The following SMYD3 variants were observed in gnomAD, a reference collection of about 807,000 sequenced individuals.
The protein encoded by SMYD3 is histone-lysine N-methyltransferase SMYD3.
In SMYD3, 36 loss-of-function variants were observed where a neutral mutation model predicts 57.7. The observed-to-expected ratio is 0.62, with a 90% confidence interval of 0.48 to 0.82. SMYD3 has a LOEUF of 0.82. SMYD3 is among the 40% of genes least tolerant of loss of function. The probability of loss-of-function intolerance (pLI) is 0.00; values close to 1 mark genes in which losing one functional copy is unlikely to be tolerated. For missense variants in SMYD3, 515 were observed against 538.8 expected, an observed-to-expected ratio of 0.96 and a Z score of 0.44; for synonymous variants, 211 against 195.0, an observed-to-expected ratio of 1.08 and a Z score of -0.68.
intron 1 of SMYD3, among the ~76,000 whole-genome samples, chr1:246,472,380 A>G (rs901763177): frequency 3.3e-5 from 5 of 152,214 alleles, no homozygotes; most frequent in African/African-American, 9.6e-5. Flanking sequence ...GTTTTTCGCT[A>G]TACCTGCTAG....
At chr1:246,082,004 G>A (rs894137537) in intron 5 of SMYD3, among the ~76,000 whole-genome samples, 25 of 152,326 alleles carry the variant, frequency 1.6e-4, no homozygotes, top group South Asian at 4.1e-4. Context: ...AGATCATGAC[G>A]GTGAGAGGAA....
intron 5 of SMYD3, among the ~76,000 whole-genome samples, chr1:245,967,871 G>A (rs1004219617): frequency 6.6e-6 from 1 of 152,154 alleles, no homozygotes. Flanking sequence ...CAGGAGAGTG[G>A]CGTGAACTAT....
At chr1:246,462,735 G>C (rs182838494) in intron 1 of SMYD3, among the ~76,000 whole-genome samples, 11 of 152,306 alleles carry the variant, frequency 7.2e-5, no homozygotes, top group Non-Finnish European at 1.5e-4. Flanking sequence ...AGAAATCTTA[G>C]ATAGCTCACT....
intron 8 of SMYD3, among the ~76,000 whole-genome samples, chr1:245,897,149 C>T (rs1279925835): frequency 2.6e-5 from 4 of 152,268 alleles, no homozygotes; most frequent in Non-Finnish European, 5.9e-5. Flanking sequence ...AAATAAAACA[C>T]AGAGACGTGA....
chr1:246,443,888 C>A (rs1319238522), intron 1 of SMYD3, among the ~76,000 whole-genome samples: 6 of 152,098 alleles, frequency 3.9e-5, no homozygotes, highest in African/African-American at 1.4e-4. Flanking sequence ...TCAAATAAAA[C>A]TTACTTTCTG....
At chr1:246,177,726 G>C (rs1202509416) in intron 5 of SMYD3, among the ~76,000 whole-genome samples, 1 of 152,144 alleles carries the variant, frequency 6.6e-6, no homozygotes, top group African/African-American at 2.4e-5. Context: ...TCGAAAGATG[G>C]AAGACATAAG....
chr1:246,444,933 A>C (rs1425982541), intron 1 of SMYD3, among the ~76,000 whole-genome samples: 2 of 152,190 alleles, frequency 1.3e-5, no homozygotes, highest in African/African-American at 4.8e-5. Context: ...GGAATCAGAA[A>C]GTCTGGGGTT....
At chr1:246,408,764 G>C (rs1446691809) in intron 1 of SMYD3, among the ~76,000 whole-genome samples, 1 of 148,776 alleles carries the variant, frequency 6.7e-6, no homozygotes, top group Non-Finnish European at 1.5e-5. Context: ...CTGCCTCCCA[G>C]GTTCATGCAA....
chr1:246,128,234 C>G (rs904933756), intron 5 of SMYD3, among the ~76,000 whole-genome samples: 4 of 152,182 alleles, frequency 2.6e-5, no homozygotes, highest in African/African-American at 9.7e-5. Flanking sequence ...CTCCTCCTCC[C>G]CATCTCTATT....
chr1:246,360,576 C>T (rs1416196837), intron 1 of SMYD3, among the ~76,000 whole-genome samples: 1 of 152,142 alleles, frequency 6.6e-6, no homozygotes, highest in Non-Finnish European at 1.5e-5. Context: ...CCACAGTCAC[C>T]AAAACAGCAT....
At chr1:246,269,543 C>CTTTTTTTTTTTTTTTTTTTTTT (rs570972296) in intron 5 of SMYD3, among the ~76,000 whole-genome samples, 3 of 135,214 alleles carry the variant, frequency 2.2e-5, no homozygotes, top group East Asian at 2.2e-4. Context: ...CTTTTTTTTT[C>CTTTTTTTTTTTTTTTTTTTTTT]TTTTTTTTTT....
chr1:245,828,737 T>A (rs1022912490), intron 10 of SMYD3, among the ~76,000 whole-genome samples: 2 of 150,936 alleles, frequency 1.3e-5, no homozygotes, highest in African/African-American at 4.9e-5. Context: ...CAGGGTCTCA[T>A]GTCGCCCAGG....
intron 5 of SMYD3, among the ~76,000 whole-genome samples, chr1:246,068,106 CTTGG>C (rs2060376913): frequency 6.6e-6 from 1 of 152,076 alleles, no homozygotes; most frequent in African/African-American, 2.4e-5. Context: ...TTGAGTCTTT[CTTGG>C]TTAATTAAGT....
intron 5 of SMYD3, among the ~76,000 whole-genome samples, chr1:246,279,366 C>A (rs575113739): frequency 6.6e-6 from 1 of 152,144 alleles, no homozygotes; most frequent in Non-Finnish European, 1.5e-5. Context: ...ACTAAAAACA[C>A]AAAAATTAGC....
chr1:246,194,538 A>G (rs551316531), intron 5 of SMYD3, among the ~76,000 whole-genome samples: 1 of 152,302 alleles, frequency 6.6e-6, no homozygotes, highest in East Asian at 1.9e-4. Context: ...AAGTGCTGGG[A>G]TTACAGGCGT....
chr1:245,781,513 T>C (rs529792608), intron 10 of SMYD3, among the ~76,000 whole-genome samples: 2 of 152,278 alleles, frequency 1.3e-5, no homozygotes, highest in East Asian at 1.9e-4. Flanking sequence ...TGATCACACA[T>C]TGAGGGCACT....
intron 1 of SMYD3, among the ~76,000 whole-genome samples, chr1:246,472,579 CA>C (rs916066602): frequency 6.6e-6 from 1 of 151,858 alleles, no homozygotes; most frequent in Non-Finnish European, 1.5e-5. Flanking sequence ...CCTGTCCCTA[CA>C]AAAAACAGAA....
At chr1:245,851,973 T>A (rs775466315) in intron 10 of SMYD3, among the ~76,000 whole-genome samples, 3 of 152,166 alleles carry the variant, frequency 2.0e-5, no homozygotes, top group Non-Finnish European at 4.4e-5. Context: ...CCCTTCCCAG[T>A]AGGGGCTACA....
intron 10 of SMYD3, among the ~76,000 whole-genome samples, chr1:245,774,936 C>T (rs1473490660): frequency 2.6e-5 from 4 of 152,168 alleles, no homozygotes; most frequent in African/African-American, 7.2e-5. Flanking sequence ...CTCCTAACCG[C>T]GAGTGATCCG....
Sources: gnomAD v4.1 joint callset for allele counts (sites outside exome capture counted in the v4.1 genomes callset) on GRCh38, gnomAD v4.1.1 for gene constraint, MANE v1.5 for transcripts, NCBI Gene and HGNC (gene_info 2026-07-23, HGNC 2026-07-21) for gene names.